ANO8: variants seen among roughly 807,000 people sequenced by gnomAD.
ANO8 encodes the protein anoctamin-8.
A neutral mutation model predicts 120.4 loss-of-function variants in ANO8; 67 were observed. The ratio of observed to expected loss-of-function variants is 0.56; its 90% confidence interval spans 0.46 to 0.68. The LOEUF (loss-of-function observed/expected upper bound fraction) is 0.68, where lower values mean the gene tolerates loss of function less well. Ranked by LOEUF, ANO8 falls within the 30% of genes least tolerant of loss-of-function variation. The pLI is 0.00. For synonymous variants in ANO8, 727 were observed against 759.2 expected (o/e 0.96, Z 0.70); for missense variants, 1,526 against 1,737.6 (o/e 0.88, Z 2.16).
At chr19:17,329,263 C>A (rs987447118) in intron 12 of ANO8, 19 of 403,182 alleles carry the variant, frequency 4.7e-5, no homozygotes, top group African/African-American at 2.7e-4. Flanking sequence ...GGGCCGCGTG[C>A]GCCCCCAGCC....
At chr19:17,326,612 G>A (rs571233624) in intron 16 of ANO8, among the ~76,000 whole-genome samples, 12 of 152,306 alleles carry the variant, frequency 7.9e-5, no homozygotes, top group African/African-American at 2.2e-4. Context: ...TCAGTTTCTC[G>A]GTCGCAGCAG....
Position 17,323,437 on chromosome 19 carries a change from CGCATTTT to C in ANO8, c.*73_*79del. ...TACTGGGGGCCCTCGGGGGCTGAAGCGCATTTTGCATTTTGGAGACCGGCCGCCCCTG... is the reference window on the plus strand; with the variant it reads ...TACTGGGGGCCCTCGGGGGCTGAAGCGCATTTTGGAGACCGGCCGCCCCTG... On this transcript the variant is annotated 3_prime_UTR_variant, in exon 18 of 18. Transcript: ENST00000159087. The C allele has an allele frequency of 6.3e-6, 8 of 1,273,058 alleles. No individual in the cohort carries two copies. Among genetic ancestry groups the C allele is most frequent in the Non-Finnish European group, 6.0e-6 (6 of 1,005,912 alleles). The allele number at this position is 1,273,058 out of a possible 1,614,324, so 78.9% of individuals were successfully genotyped here. A position where few individuals can be genotyped will look rare whatever the true frequency, so the allele number is the denominator to read the frequency against.
At chr19:17,329,319 C>T (rs2074299759) in intron 12 of ANO8, 4 of 356,982 alleles carry the variant, frequency 1.1e-5, no homozygotes, top group African/African-American at 6.5e-5. Flanking sequence ...ATTCCCTCCG[C>T]GCATGCGCCC....
rs2074350552 is a variant in ANO8 at position 17,334,746 on chromosome 19, C to T, written c.-76G>A. 2.4e-6 allele frequency: 3 copies of T among 1,258,450 alleles called. No individual in the cohort carries two copies. The highest frequency in any genetic ancestry group is 3.1e-6 in the Non-Finnish European group (3 of 970,242). The allele number at this position is 1,258,450 out of a possible 1,614,324, so 78.0% of individuals were successfully genotyped here. On this transcript the variant is annotated 5_prime_UTR_variant, in exon 1 of 18. Transcript: ENST00000159087. ...CCGCGGGCTCATGGGGCCGGTGCAGCCGCGGAGCGCGCGGGAGGAGGAGAC... is the reference window on the plus strand; with the variant it reads ...CCGCGGGCTCATGGGGCCGGTGCAGTCGCGGAGCGCGCGGGAGGAGGAGAC...
rs1257039773 is a variant in ANO8 at position 17,327,886 on chromosome 19, A to G, written c.2227-6T>C. 5.6e-6 allele frequency: 9 copies of G among 1,612,048 alleles called. No homozygotes were observed. The highest frequency in any genetic ancestry group is 7.6e-6 in the Non-Finnish European group (9 of 1,178,636). On this transcript the variant is annotated splice_polypyrimidine_tract_variant and splice_region_variant and intron_variant, in intron 13 of 17. Transcript: ENST00000159087. ...TGGTAGTCCTGGAACGTGTCCTGCG[A>G]GTGGGCGGGCCTCAGACCTGGAAGC...
At chr19:17,329,713 C>T (rs772585393) in intron 12 of ANO8, 44 bp downstream of exon 12, 3 of 1,553,180 alleles carry the variant, frequency 1.9e-6, no homozygotes, top group East Asian at 2.3e-5. Context: ...CCTCGCTGGC[C>T]GCCATGGGGG....
intron 16 of ANO8, 63 bp from the exon 17 acceptor site, chr19:17,325,449 G>A: frequency 6.6e-7 from 1 of 1,510,914 alleles, no homozygotes. Context: ...TGCCAGCTGA[G>A]GCTGGTGCAT....
chr19:17,329,617 A>C, intron 12 of ANO8, 140 bp downstream of exon 12: 1 of 663,180 alleles, frequency 1.5e-6, no homozygotes, highest in Non-Finnish European at 2.6e-6. Flanking sequence ...CAGACGACGG[A>C]CAACGGACGG....
At position 17,330,346 on chromosome 19, in the gene ANO8, G is replaced by A. The variant is rs766074988; in HGVS notation, c.1146+6C>T. On this transcript the variant is annotated splice_donor_region_variant and intron_variant, in intron 9 of 17. Coordinates refer to ENST00000159087, the MANE Select transcript of ANO8 (RefSeq NM_020959.3). The stretch of plus-strand genomic sequence containing the variant: ...GGACAGGGCGGGTGAGGGTATGGGG[G>A]GTCACCTGCAGCTGGAAGCAGCCAA... 6.2e-6 allele frequency: 10 copies of A among 1,604,142 alleles called. No homozygotes were observed. The highest frequency in any genetic ancestry group is 1.3e-5 in the African/African-American group (1 of 74,746).
intron 5 of ANO8, among the ~76,000 whole-genome samples, chr19:17,332,329 C>A (rs896559306): frequency 6.6e-6 from 1 of 152,162 alleles, no homozygotes; most frequent in East Asian, 1.9e-4. Context: ...TGGCTCACTG[C>A]AACCTCGAAC....
intron 12 of ANO8, chr19:17,329,261 T>C: frequency 2.5e-6 from 1 of 407,930 alleles, no homozygotes; most frequent in Non-Finnish European, 4.4e-6. Flanking sequence ...CTGGGCCGCG[T>C]GCGCCCCCAG....
rs956000085 is a variant in ANO8 at position 17,328,560 on chromosome 19, A to T, written c.1828T>A (p.Cys610Ser). Residue 610 changes from cysteine to serine, a missense_variant, in exon 13 of 18, where the codon TGC (cysteine) becomes AGC (serine). Cys to Ser is a moderately radical substitution (Grantham distance 112, BLOSUM62 -1). Coordinates refer to ENST00000159087, the MANE Select transcript of ANO8 (RefSeq NM_020959.3). ...EEGEEGGLLD[C>S]GLRLKKVSFA... ...CTGACCTTCTTCAGCCGGAGCCCGC[A>T]GTCCAGGAGGCCCCCTTCCTCGCCC... 15 of 1,547,586 alleles carry T rather than the reference A, an allele frequency of 9.7e-6. No individual in the cohort carries two copies. In the African/African-American group the frequency reaches 1.6e-4, roughly 17 times the overall value.
intron 8 of ANO8, 70 bp from the exon 9 acceptor site, chr19:17,330,574 T>C: frequency 6.9e-7 from 1 of 1,452,160 alleles, no homozygotes. Flanking sequence ...CACCCCTCCC[T>C]ATCCTCAGAA....
Position 17,334,728 on chromosome 19 carries a change from C to A in ANO8, c.-58G>T. 7.7e-7 allele frequency: 1 copy of A among 1,302,166 alleles called. No individual in the cohort carries two copies. 80.7% of individuals were successfully genotyped at this position (1,302,166 alleles called of 1,614,324 possible). A position where few individuals can be genotyped will look rare whatever the true frequency, so the allele number is the denominator to read the frequency against. On this transcript the variant is annotated 5_prime_UTR_variant, in exon 1 of 18. Transcript: ENST00000159087. ...GGCCCGGGCGACGGGGAGCCGCGGG[C>A]TCATGGGGCCGGTGCAGCCGCGGAG...
Position 17,330,639 on chromosome 19 carries a change from A to T in ANO8, c.994-135T>A, listed in dbSNP as rs546665101. 24 of 1,387,522 alleles carry T rather than the reference A, an allele frequency of 1.7e-5. No individual in the cohort carries two copies. The East Asian group carries it at 5.4e-4, about 31-fold the overall frequency. 86.0% of individuals were successfully genotyped at this position (1,387,522 alleles called of 1,614,324 possible). On this transcript the variant is annotated intron_variant, in intron 8 of 17. Coordinates refer to ENST00000159087, the MANE Select transcript of ANO8 (RefSeq NM_020959.3). The stretch of plus-strand genomic sequence containing the variant: ...CCCTCTCAGGTCACCCACCTAGGGC[A>T]CTGTTCCCAGTCCCTCAAATCCAAC...
chr19:17,329,371 A>C (rs1382446962), intron 12 of ANO8: 3 of 343,556 alleles, frequency 8.7e-6, no homozygotes, highest in Non-Finnish European at 1.6e-5. Context: ...CACGCTGCCC[A>C]CCCCGGCGAG....
rs1237675827 is a variant in ANO8, at chr19:17,328,799, G to C, written c.1589C>G (p.Ala530Gly). ...RPAPRRLEPQ[A>G]DEGGGGGSGG... ...GCTGCCGCCGCCCCCGCCCTCATCC[G>C]CCTGGGGTTCGAGGCGGCGGGGCGC... Residue 530 changes from alanine to glycine, a missense_variant, in exon 13 of 18, where the codon GCG (alanine) becomes GGG (glycine). Physicochemically the swap from Ala to Gly is moderately conservative, Grantham distance 60. This residue lies in a region of ANO8 where 467 missense variants were observed against 425.8 expected (regional missense o/e 1.10). Transcript: ENST00000159087. 7.2e-7 allele frequency: 1 copy of C among 1,379,426 alleles called. No homozygotes were observed. Among genetic ancestry groups the C allele is most frequent in the African/African-American group, 1.5e-5 (1 of 65,674 alleles). The allele number at this position is 1,379,426 out of a possible 1,614,324, so 85.4% of individuals were successfully genotyped here.
rs751135659 is a variant in ANO8 at position 17,328,612 on chromosome 19, GTCC to G, written c.1773_1775del (p.Glu591del). On this transcript the variant is annotated inframe_deletion, in exon 13 of 18. Coordinates refer to ENST00000159087, the MANE Select transcript of ANO8 (RefSeq NM_020959.3). ...CCTCCTCGTCCTCCTCTTCCTCCTC[GTCC>G]TCCTCCTCCTCGTCGTCCTCGTCCT... 2.3e-5 allele frequency: 36 copies of G among 1,537,896 alleles called. No homozygotes were observed. Among genetic ancestry groups the G allele is most frequent in the African/African-American group, 5.5e-5 (4 of 72,182 alleles).
intron 5 of ANO8, 145 bp downstream of exon 5, chr19:17,332,785 A>AC: frequency 3.6e-6 from 3 of 829,264 alleles, no homozygotes; most frequent in Non-Finnish European, 5.7e-6. Context: ...CTAAGGCCAC[A>AC]CCCCTTTAGC....
Sources: gnomAD v4.1 joint callset for allele counts (sites outside exome capture counted in the v4.1 genomes callset) on GRCh38, gnomAD v4.1.1 for gene constraint, gnomAD v4.1.1 regional missense constraint, MANE v1.5 for transcripts, NCBI Gene and HGNC (gene_info 2026-07-23, HGNC 2026-07-21) for gene names.